The following GNL2 variants were observed in gnomAD, a reference collection of about 807,000 sequenced individuals.
GNL2 encodes nucleolar GTP-binding protein 2.
A neutral mutation model predicts 92.3 loss-of-function variants in GNL2; 51 were observed. That is an observed-to-expected ratio of 0.55 (90% CI 0.44 to 0.70). The LOEUF is 0.70. Among genes scored for constraint, GNL2 ranks in the 30% least tolerant of loss-of-function variants. The pLI is 0.00. For synonymous variants in GNL2, 283 were observed against 300.6 expected (o/e 0.94, Z 0.61); for missense variants, 844 against 895.6 (o/e 0.94, Z 0.74).
intron 4 of GNL2, 94 bp downstream of exon 4, chr1:37,590,612 T>C: frequency 9.5e-7 from 1 of 1,054,234 alleles, no homozygotes. Context: ...AAGTCACTAT[T>C]TTCTAAGGAA....
intron 8 of GNL2, among the ~76,000 whole-genome samples, chr1:37,577,767 C>G (rs1643701941): frequency 6.6e-6 from 1 of 152,182 alleles, no homozygotes; most frequent in African/African-American, 2.4e-5. Context: ...TCTGCCAAAG[C>G]AGCCACACTT....
rs928200163 is a variant in GNL2, at chr1:37,582,134, G to A, written c.909+89C>T. On this transcript the variant is annotated intron_variant, in intron 8 of 15. Transcript: ENST00000373062. Reference sequence around the variant, plus strand: ...CGCAACCACGTCCGGCTAAGAAGTTGGCAACTTTCTGCTATGCCATGGCAA... The same window carrying A: ...CGCAACCACGTCCGGCTAAGAAGTTAGCAACTTTCTGCTATGCCATGGCAA... 6 of 814,290 alleles carry A rather than the reference G, an allele frequency of 7.4e-6. No individual in the cohort carries two copies. In the Admixed American group the frequency reaches 1.6e-4, roughly 22 times the overall value. The allele number at this position is 814,290 out of a possible 1,614,324, so 50.4% of individuals were successfully genotyped here. A position where few individuals can be genotyped will look rare whatever the true frequency, so the allele number is the denominator to read the frequency against.
intron 12 of GNL2, among the ~76,000 whole-genome samples, chr1:37,572,937 A>G (rs1263395237): frequency 6.6e-6 from 1 of 152,088 alleles, no homozygotes; most frequent in Non-Finnish European, 1.5e-5. Flanking sequence ...ACTGATATGG[A>G]AAAAAATTAT....
chr1:37,590,557 A>G (rs1446639155), intron 4 of GNL2, 149 bp downstream of exon 4: 1 of 665,370 alleles, frequency 1.5e-6, no homozygotes, highest in African/African-American at 1.8e-5. Flanking sequence ...CTAAACATGA[A>G]AAGGTGAAAA....
At chr1:37,582,650 T>C (rs1643789084) in intron 7 of GNL2, 128 bp downstream of exon 7, 1 of 806,898 alleles carries the variant, frequency 1.2e-6, no homozygotes, top group South Asian at 1.8e-5. Context: ...GAGCACACTT[T>C]CGTGTTTCCA....
intron 4 of GNL2, among the ~76,000 whole-genome samples, chr1:37,587,762 T>C (rs1019848035): frequency 1.3e-5 from 2 of 152,204 alleles, no homozygotes; most frequent in African/African-American, 4.8e-5. Context: ...ATATGAATAG[T>C]TGTACAAAAA....
intron 12 of GNL2, 74 bp from the exon 13 acceptor site, chr1:37,569,376 G>A: frequency 1.0e-6 from 1 of 992,708 alleles, no homozygotes; most frequent in South Asian, 1.6e-5. Context: ...CTCATATCTT[G>A]CTCTTAAACA....
chr1:37,567,038 A>G (rs1395927478), intron 15 of GNL2, 31 bp from the exon 16 acceptor site: 9 of 1,600,006 alleles, frequency 5.6e-6, no homozygotes, highest in African/African-American at 2.7e-5. Context: ...AGATGAAGAA[A>G]AAAAACAACA....
At chr1:37,593,911 G>T in intron 1 of GNL2, 65 bp from the exon 2 acceptor site, 1 of 1,187,338 alleles carries the variant, frequency 8.4e-7, no homozygotes, top group Non-Finnish European at 1.2e-6. Context: ...ACAAGTCATT[G>T]CTTAAAATGC....
intron 3 of GNL2, among the ~76,000 whole-genome samples, chr1:37,591,504 CTTTTTTTTTT>C (rs34721968): frequency 7.4e-6 from 1 of 135,032 alleles, no homozygotes; most frequent in South Asian, 2.4e-4. Flanking sequence ...TATATTTACT[CTTTTTTTTTT>C]TTTTTTTTTG....
intron 8 of GNL2, 61 bp downstream of exon 8, chr1:37,582,162 C>G (rs1643780318): frequency 1.7e-6 from 2 of 1,144,996 alleles, no homozygotes; most frequent in Non-Finnish European, 2.5e-6. Flanking sequence ...CATGGCAAGA[C>G]AGATTCTTAT....
At chr1:37,577,714 G>A (rs963035398) in intron 8 of GNL2, among the ~76,000 whole-genome samples, 2 of 152,152 alleles carry the variant, frequency 1.3e-5, no homozygotes, top group African/African-American at 4.8e-5. Context: ...ATTGGTGGTA[G>A]ATCCCTCTTA....
chr1:37,574,306 C>T (rs1418001004), intron 12 of GNL2, 37 bp downstream of exon 12: 5 of 1,320,926 alleles, frequency 3.8e-6, no homozygotes, highest in Non-Finnish European at 5.4e-6. Flanking sequence ...TAGGTCAGGA[C>T]CCATGCTCCC....
Position 37,574,656 on chromosome 1 carries a change from C to T in GNL2, c.1302+9G>A. The stretch of plus-strand genomic sequence containing the variant: ...GTATCAGTCTAAATTCTCACAAACG[C>T]CGGGTCACCTTTAGTAACTTCCCAG... On this transcript the variant is annotated intron_variant, in intron 11 of 15. Transcript: ENST00000373062. The T allele has an allele frequency of 1.2e-6, 2 of 1,612,890 alleles. No individual in the cohort carries two copies. Among genetic ancestry groups the T allele is most frequent in the Non-Finnish European group, 1.7e-6 (2 of 1,179,240 alleles).
intron 5 of GNL2, 126 bp from the exon 6 acceptor site, chr1:37,584,059 C>A (rs1643814097): frequency 3.0e-6 from 2 of 668,894 alleles, no homozygotes; most frequent in Non-Finnish European, 5.4e-6. Context: ...CAGAAACAAA[C>A]TGAATTTAAA....
rs368890364 is a variant in GNL2, at chr1:37,583,838, C to T, written c.636+29G>A. 4.6e-6 allele frequency: 6 copies of T among 1,301,658 alleles called. No individual in the cohort carries two copies. The South Asian group carries it at 4.8e-5, about 10-fold the overall frequency. The allele number at this position is 1,301,658 out of a possible 1,614,324, so 80.6% of individuals were successfully genotyped here. On this transcript the variant is annotated intron_variant, in intron 6 of 15. Transcript: ENST00000373062. Reference sequence around the variant, plus strand: ...AAAATCATGAAAGCCCAAGGAACCACTCAATGGGAGAGAATTTAGGAGTCT... The same window carrying T: ...AAAATCATGAAAGCCCAAGGAACCATTCAATGGGAGAGAATTTAGGAGTCT...
At chr1:37,581,582 G>A in intron 8 of GNL2, 1 of 454,936 alleles carries the variant, frequency 2.2e-6, no homozygotes, top group South Asian at 1.6e-5. Flanking sequence ...GTCACGGATG[G>A]GGGCAAAGGC....
At chr1:37,580,030 C>T (rs1457784659) in intron 8 of GNL2, among the ~76,000 whole-genome samples, 2 of 151,924 alleles carry the variant, frequency 1.3e-5, no homozygotes, top group Admixed American at 6.6e-5. Flanking sequence ...AAGACAATAT[C>T]AGACTAAAGT....
intron 2 of GNL2, 100 bp from the exon 3 acceptor site, chr1:37,592,906 T>G (rs539685698): frequency 6.3e-5 from 46 of 727,666 alleles, no homozygotes; most frequent in Admixed American, 4.6e-4. Flanking sequence ...ACTTCTTACT[T>G]TGGTTTTAAA....
Sources: allele counts gnomAD v4.1 joint callset (sites outside exome capture counted in the v4.1 genomes callset), GRCh38; gene constraint gnomAD v4.1.1; transcripts MANE v1.5; gene names NCBI Gene and HGNC (gene_info 2026-07-23, HGNC 2026-07-21).